Variants in LRRC7 observed in about 807,000 individuals in gnomAD.
LRRC7 encodes leucine rich repeat containing 7.
A neutral mutation model predicts 175.7 loss-of-function variants in LRRC7; 23 were observed. The observed-to-expected ratio is 0.13, with a 90% CI of 0.09 to 0.19. LRRC7 has a LOEUF of 0.19. Ranked by LOEUF, LRRC7 falls within the 10% of genes least tolerant of loss-of-function variation. LRRC7 has a pLI of 1.00. For missense variants in LRRC7, 1,354 were observed against 1,904.7 expected (o/e 0.71, Z 5.38); for synonymous variants, 685 against 680.9 (o/e 1.01, Z -0.09).
At chr1:69,908,832 T>C (rs1389213358) in intron 7 of LRRC7, among the ~76,000 whole-genome samples, 8 of 148,362 alleles carry the variant, frequency 5.4e-5, no homozygotes, top group African/African-American at 2.0e-4. Context: ...CCTTGTTAAC[T>C]TTCTGTCTCG....
chr1:69,755,338 A>G (rs561741606), intron 2 of LRRC7, among the ~76,000 whole-genome samples: 28 of 147,740 alleles, frequency 1.9e-4, no homozygotes, highest in South Asian at 8.4e-4. Context: ...AGGAATATAT[A>G]TATACACACA....
At position 70,020,680 on chromosome 1, in the gene LRRC7, AAGAT is replaced by A. The variant is rs1387709074; in HGVS notation, c.1421-323_1421-320del. 18 of 161,224 alleles carry A rather than the reference AAGAT, an allele frequency of 1.1e-4. 1 individual carries two copies. In the South Asian group the frequency reaches 3.2e-3, roughly 28 times the overall value. 10.0% of individuals were successfully genotyped at this position (161,224 alleles called of 1,614,324 possible). On this transcript the variant is annotated intron_variant, in intron 15 of 26. Transcript: ENST00000651989. The stretch of plus-strand genomic sequence containing the variant: ...CATTGTGTTGTTGTAAGGATTGAAA[AAGAT>A]AACGCTTTAAAATGCTTGGTCTAAC...
At chr1:69,772,532 A>G (rs767054791) in intron 3 of LRRC7, among the ~76,000 whole-genome samples, 33 of 152,194 alleles carry the variant, frequency 2.2e-4, no homozygotes, top group South Asian at 6.2e-4. Context: ...AAGAGAAACA[A>G]TGACATGAAA....
intron 8 of LRRC7, among the ~76,000 whole-genome samples, chr1:69,935,473 G>C (rs1046049940): frequency 6.6e-6 from 1 of 151,946 alleles, no homozygotes; most frequent in African/African-American, 2.4e-5. Flanking sequence ...TTCCTTATAG[G>C]CATTGTAATA....
At chr1:69,802,412 A>G (rs1676625945) in intron 4 of LRRC7, among the ~76,000 whole-genome samples, 1 of 151,484 alleles carries the variant, frequency 6.6e-6, no homozygotes, top group Admixed American at 6.6e-5. Flanking sequence ...GTGAGTGCAT[A>G]TATTTTTAGA....
rs562807190 is a variant in LRRC7, at chr1:69,594,466, T to C, written c.2+25825T>C. Among the ~76,000 whole-genome samples, 52 of 152,304 alleles carry C rather than the reference T, an allele frequency of 3.4e-4. 1 individual carries two copies. The South Asian group carries it at 0.011, about 32-fold the overall frequency. On this transcript the variant is annotated intron_variant, in intron 1 of 26. Transcript: ENST00000651989. The stretch of plus-strand genomic sequence containing the variant: ...ATGTTTTCTTCTTCAAAGTAGCCCC[T>C]AGGACGGCTCTTCTTTGATGCTAAC...
chr1:70,068,476 T>C (rs1320771397), intron 23 of LRRC7, among the ~76,000 whole-genome samples: 1 of 152,192 alleles, frequency 6.6e-6, no homozygotes, highest in Non-Finnish European at 1.5e-5. Flanking sequence ...TATCATTCTT[T>C]TTATATATTG....
At chr1:69,987,160 G>A (rs1055621848) in intron 10 of LRRC7, among the ~76,000 whole-genome samples, 4 of 152,138 alleles carry the variant, frequency 2.6e-5, no homozygotes, top group African/African-American at 7.2e-5. Flanking sequence ...CAGGAGAATC[G>A]CTTGAACCCA....
At chr1:69,681,352 C>A (rs559585733) in intron 2 of LRRC7, among the ~76,000 whole-genome samples, 111 of 152,242 alleles carry the variant, frequency 7.3e-4, no homozygotes, top group African/African-American at 2.6e-3. Context: ...TGGTTCAGAC[C>A]ATAGGATCCT....
intron 7 of LRRC7, among the ~76,000 whole-genome samples, chr1:69,930,291 A>C (rs12756122): frequency 0.46 from 69,841 of 151,930 alleles, 16,990 homozygotes; most frequent in East Asian, 0.7. Flanking sequence ...AGAGTACATA[A>C]TTTTTTTGCA....
At chr1:69,815,732 A>T (rs1678507076) in intron 4 of LRRC7, among the ~76,000 whole-genome samples, 1 of 152,180 alleles carries the variant, frequency 6.6e-6, no homozygotes, top group African/African-American at 2.4e-5. Context: ...TGGGTGACTT[A>T]TAAACAACAA....
chr1:69,718,492 G>A (rs1367154126), intron 2 of LRRC7, among the ~76,000 whole-genome samples: 1 of 151,750 alleles, frequency 6.6e-6, no homozygotes, highest in East Asian at 1.9e-4. Context: ...ATGGCAAAAT[G>A]GGGGATGATC....
intron 1 of LRRC7, among the ~76,000 whole-genome samples, chr1:69,666,630 T>A (rs1397952645): frequency 6.6e-6 from 1 of 152,064 alleles, no homozygotes; most frequent in Admixed American, 6.6e-5. Flanking sequence ...CCACTAAAGA[T>A]CTTTTGAATT....
At chr1:70,068,825 C>G (rs1186234682) in intron 23 of LRRC7, among the ~76,000 whole-genome samples, 2 of 152,104 alleles carry the variant, frequency 1.3e-5, no homozygotes, top group African/African-American at 4.8e-5. Context: ...CAATGATCCT[C>G]CTACCTCAGC....
chr1:69,726,472 G>T (rs150571061), intron 2 of LRRC7, among the ~76,000 whole-genome samples: 161 of 152,280 alleles, frequency 1.1e-3, no homozygotes, highest in African/African-American at 3.8e-3. Flanking sequence ...ATAGTGTAAA[G>T]GATGGATTGA....
intron 7 of LRRC7, among the ~76,000 whole-genome samples, chr1:69,880,648 A>C (rs2101610199): frequency 6.6e-6 from 1 of 152,300 alleles, no homozygotes; most frequent in South Asian, 2.1e-4. Context: ...TCATGACAAA[A>C]GAAGGAGAGT....
chr1:70,056,066 T>C (rs942518431), intron 23 of LRRC7, among the ~76,000 whole-genome samples: 8 of 152,048 alleles, frequency 5.3e-5, no homozygotes, highest in Non-Finnish European at 1.0e-4. Context: ...AGAGTTTAGG[T>C]TTTTACATGT....
At chr1:69,826,930 T>C (rs1343734709) in intron 5 of LRRC7, among the ~76,000 whole-genome samples, 1 of 152,062 alleles carries the variant, frequency 6.6e-6, no homozygotes, top group Non-Finnish European at 1.5e-5. Context: ...GAAATAGATG[T>C]AAAAGAATGA....
intron 23 of LRRC7, among the ~76,000 whole-genome samples, chr1:70,073,879 C>T (rs1216739638): frequency 6.6e-6 from 1 of 152,222 alleles, no homozygotes; most frequent in Non-Finnish European, 1.5e-5. Flanking sequence ...AGCTATGTAA[C>T]TGGGCATGCC....
Sources: gnomAD v4.1 joint callset for allele counts (sites outside exome capture counted in the v4.1 genomes callset) on GRCh38, gnomAD v4.1.1 for gene constraint, MANE v1.5 for transcripts, NCBI Gene and HGNC (gene_info 2026-07-23, HGNC 2026-07-21) for gene names.